The following PBX1 variants were observed in gnomAD, a reference collection of about 807,000 sequenced individuals.
The protein encoded by PBX1 is pre-B-cell leukemia transcription factor 1.
A neutral mutation model predicts 53.4 loss-of-function variants in PBX1; 6 were observed. The ratio of observed to expected loss-of-function variants is 0.11; its 90% CI spans 0.06 to 0.22. PBX1 has a LOEUF of 0.22. Among genes scored for constraint, PBX1 ranks in the 10% least tolerant of loss-of-function variants. PBX1 has a pLI of 1.00. For synonymous variants in PBX1, 204 were observed against 212.3 expected (o/e 0.96, Z 0.34); for missense variants, 251 against 551.4 (o/e 0.46, Z 5.46).
chr1:164,604,318 G>C (rs1377444176), intron 2 of PBX1, among the ~76,000 whole-genome samples: 4 of 152,164 alleles, frequency 2.6e-5, no homozygotes, highest in Admixed American at 2.0e-4. Flanking sequence ...AGTTGTTCTT[G>C]ACCACACTAT....
intron 2 of PBX1, among the ~76,000 whole-genome samples, chr1:164,708,383 T>TAAA (rs11372613): frequency 2.0e-5 from 3 of 151,806 alleles, no homozygotes; most frequent in Non-Finnish European, 2.9e-5. Context: ...AGTCTTTTTT[T>TAAA]AAAAAAAATA....
In PBX1 at chr1:164,833,783, G is replaced by A. The variant is rs117740982; in HGVS notation, c.1200+12157G>A. On this transcript the variant is annotated intron_variant, in intron 8 of 8. Transcript: ENST00000420696. ...GTGTATGTTTTTTTAACCAGCAACC[G>A]GTCTATTCTGACTGGATTTTCTGCC... Among the ~76,000 whole-genome samples, 159 of 151,910 alleles carry A rather than the reference G, an allele frequency of 1.0e-3. 4 individuals are homozygous for A. The East Asian group carries it at 0.021, about 20-fold the overall frequency.
downstream of PBX1, among the ~76,000 whole-genome samples, chr1:164,853,943 T>TA (rs1377711565): frequency 6.6e-6 from 1 of 150,396 alleles, no homozygotes; most frequent in Non-Finnish European, 1.5e-5. Context: ...TTATTTTATT[T>TA]TTTTTTTTGA....
chr1:164,734,551 G>A (rs996174443), intron 2 of PBX1, among the ~76,000 whole-genome samples: 1 of 152,110 alleles, frequency 6.6e-6, no homozygotes, highest in African/African-American at 2.4e-5. Flanking sequence ...GATATAAATG[G>A]TTTACTTAAC....
intron 2 of PBX1, among the ~76,000 whole-genome samples, chr1:164,704,759 C>A (rs1456334044): frequency 1.3e-5 from 2 of 152,086 alleles, no homozygotes; most frequent in East Asian, 1.9e-4. Flanking sequence ...TTCCTCTGTT[C>A]ATTGAAGGAT....
chr1:164,653,200 T>C (rs1242053019), intron 2 of PBX1, among the ~76,000 whole-genome samples: 2 of 152,182 alleles, frequency 1.3e-5, no homozygotes, highest in Non-Finnish European at 2.9e-5. Context: ...TTACACAACA[T>C]GTGTACTTTT....
intron 2 of PBX1, among the ~76,000 whole-genome samples, chr1:164,646,480 C>T (rs1659460151): frequency 6.6e-6 from 1 of 152,176 alleles, no homozygotes; most frequent in South Asian, 2.1e-4. Flanking sequence ...GAGGCAACCT[C>T]TGACCTGGCT....
chr1:164,689,472 G>A (rs1248697326), intron 2 of PBX1, among the ~76,000 whole-genome samples: 1 of 152,052 alleles, frequency 6.6e-6, no homozygotes, highest in Non-Finnish European at 1.5e-5. Flanking sequence ...CCTTGAGGGA[G>A]GAAATGAAGG....
At chr1:164,776,109 T>A (rs1460218085) in intron 2 of PBX1, among the ~76,000 whole-genome samples, 1 of 152,152 alleles carries the variant, frequency 6.6e-6, no homozygotes, top group Non-Finnish European at 1.5e-5. Flanking sequence ...TAGTAACCAA[T>A]CAAGGAATGG....
intron 2 of PBX1, among the ~76,000 whole-genome samples, chr1:164,704,272 T>C (rs2102056957): frequency 6.6e-6 from 1 of 152,318 alleles, no homozygotes; most frequent in East Asian, 1.9e-4. Context: ...TCAAACCTTT[T>C]TACAGTCAGT....
intron 2 of PBX1, among the ~76,000 whole-genome samples, chr1:164,867,835 GC>G (rs1672255506): frequency 6.6e-6 from 1 of 152,218 alleles, no homozygotes; most frequent in South Asian, 2.1e-4. Flanking sequence ...GCGCGGCCCA[GC>G]CCGCAGCTTT....
In PBX1 at chr1:164,848,885, A is replaced by G; in HGVS notation, c.*2209A>G. ...ACTGAAGAAACTCAAGGGAATGTGTATTTGAAGGAAATGCAAAAACTAAGT... is the reference window on the plus strand; with the variant it reads ...ACTGAAGAAACTCAAGGGAATGTGTGTTTGAAGGAAATGCAAAAACTAAGT... On this transcript the variant is annotated 3_prime_UTR_variant, in exon 9 of 9. Transcript: ENST00000420696. 9.4e-7 allele frequency: 1 copy of G among 1,067,776 alleles called. No individual in the cohort carries two copies. Among genetic ancestry groups the G allele is most frequent in the Non-Finnish European group, 1.1e-6 (1 of 881,016 alleles). 66.1% of individuals were successfully genotyped at this position (1,067,776 alleles called of 1,614,324 possible). A position where few individuals can be genotyped will look rare whatever the true frequency, so the allele number is the denominator to read the frequency against.
intron 2 of PBX1, among the ~76,000 whole-genome samples, chr1:164,776,222 T>C (rs1395145109): frequency 6.6e-6 from 1 of 152,180 alleles, no homozygotes; most frequent in Non-Finnish European, 1.5e-5. Flanking sequence ...TCATAGCTCA[T>C]TGTACGTGGG....
chr1:164,666,812 T>C (rs1056309115), intron 2 of PBX1, among the ~76,000 whole-genome samples: 16 of 152,230 alleles, frequency 1.1e-4, no homozygotes, highest in African/African-American at 3.6e-4. Context: ...AATTTACTAC[T>C]TGCTACCTTC....
chr1:164,626,455 A>G (rs1478774361), intron 2 of PBX1, among the ~76,000 whole-genome samples: 2 of 152,134 alleles, frequency 1.3e-5, no homozygotes, highest in Non-Finnish European at 2.9e-5. Context: ...GGAAGAAGGA[A>G]TCGGTGTATG....
intron 2 of PBX1, among the ~76,000 whole-genome samples, chr1:164,719,491 G>A (rs1258093078): frequency 7.2e-5 from 11 of 152,148 alleles, no homozygotes; most frequent in Non-Finnish European, 1.6e-4. Flanking sequence ...CAGGAAATCA[G>A]GGAGTAGGTA....
intron 3 of PBX1, among the ~76,000 whole-genome samples, chr1:164,796,787 G>GT (rs890188219): frequency 2.0e-5 from 3 of 152,168 alleles, no homozygotes; most frequent in Non-Finnish European, 2.9e-5. Context: ...AGTAACTATT[G>GT]TTTTTTATGA....
Position 164,847,668 on chromosome 1 carries a change from C to A in PBX1, c.*992C>A. 1 of 1,059,000 alleles carries A rather than the reference C, an allele frequency of 9.4e-7. No homozygotes were observed. Among genetic ancestry groups the A allele is most frequent in the Non-Finnish European group, 1.1e-6 (1 of 875,254 alleles). 65.6% of individuals were successfully genotyped at this position (1,059,000 alleles called of 1,614,324 possible). ...GCACATGTACCATCTCACATCTTCA[C>A]TTTCCCGAGATGCCATATACAATTA... On this transcript the variant is annotated 3_prime_UTR_variant, in exon 9 of 9. Transcript: ENST00000420696.
downstream of PBX1, among the ~76,000 whole-genome samples, chr1:164,856,643 C>G (rs1671982606): frequency 6.6e-6 from 1 of 152,230 alleles, no homozygotes; most frequent in Non-Finnish European, 1.5e-5. Flanking sequence ...TCCCTTAGAG[C>G]CCATTTCCTA....
Sources: gnomAD v4.1 joint callset for allele counts (sites outside exome capture counted in the v4.1 genomes callset) on GRCh38, gnomAD v4.1.1 for gene constraint, MANE v1.5 for transcripts, NCBI Gene and HGNC (gene_info 2026-07-23, HGNC 2026-07-21) for gene names.